Variants in CARS1 observed in about 807,000 individuals in gnomAD.
CARS1 encodes the protein cysteinyl-tRNA synthetase 1.
A neutral mutation model predicts 106.2 loss-of-function variants in CARS1; 48 were observed. That is an observed-to-expected ratio of 0.45 (90% CI 0.36 to 0.57). The LOEUF (loss-of-function observed/expected upper bound fraction) is 0.57. Ranked by LOEUF, CARS1 falls within the 20% of genes least tolerant of loss-of-function variation. The pLI is 0.00. For synonymous variants in CARS1, 409 were observed against 403.4 expected (o/e 1.01, Z -0.17); for missense variants, 968 against 1,057.2 (o/e 0.92, Z 1.17).
intron 1 of CARS1, among the ~76,000 whole-genome samples, chr11:3,049,991 A>C (rs1373895077): frequency 6.6e-6 from 1 of 152,222 alleles, no homozygotes; most frequent in African/African-American, 2.4e-5. Flanking sequence ...AGCAAAGATG[A>C]GTCAGAATGG....
rs1314437380 is a variant in CARS1 at position 3,018,706 on chromosome 11, G to A, written c.1439C>T (p.Thr480Ile). ...NDCWVRYFLH[T>I]GHLTIAGCKM... is the part of the protein sequence containing the mutation. ...GCAGCCTGCAATGGTCAGGTGGCCT[G>A]TGTGCAGGAAGTACCTGACCCAGCA... The change falls in exon 13 of 23, where the codon ACA (threonine) becomes ATA (isoleucine). Residue 480 changes from threonine (T) to isoleucine (I), a missense_variant. Thr to Ile is a moderately conservative substitution (Grantham distance 89). Coordinates refer to ENST00000380525, the MANE Select transcript of CARS1 (RefSeq NM_001014437.3). The A allele has an allele frequency of 1.2e-6, 2 of 1,614,116 alleles. No homozygotes were observed. The highest frequency in any genetic ancestry group is 4.5e-5 in the East Asian group (2 of 44,884).
Position 3,024,811 on chromosome 11 carries a change from G to A in CARS1, c.1153+1865C>T, listed in dbSNP as rs1003764059. On this transcript the variant is annotated intron_variant, in intron 10 of 22. Coordinates refer to ENST00000380525, the MANE Select transcript of CARS1 (RefSeq NM_001014437.3). Reference sequence around the variant, plus strand: ...AATGAGGGCTCCTTGACAGAATGAGGGTTCCTTGAAAACGGTTCTTTGAGA... The same window carrying A: ...AATGAGGGCTCCTTGACAGAATGAGAGTTCCTTGAAAACGGTTCTTTGAGA... Among the ~76,000 whole-genome samples, 4 of 152,202 alleles carry A rather than the reference G, an allele frequency of 2.6e-5. No individual in the cohort carries two copies. The South Asian group carries it at 6.2e-4, about 24-fold the overall frequency.
rs1341730630 is a variant in CARS1 at position 3,040,661 on chromosome 11, G to A, written c.455+235C>T. On this transcript the variant is annotated intron_variant, in intron 4 of 22. Transcript: ENST00000380525. The surrounding 1 kb of genome is among the most constrained non-coding windows in gnomAD (Gnocchi z 5.8). Reference sequence around the variant, plus strand: ...TCCAGCATGTTAGCAGTGGGGCTATGGACATTTTCTTTTTGGTGATCTGTA... The same window carrying A: ...TCCAGCATGTTAGCAGTGGGGCTATAGACATTTTCTTTTTGGTGATCTGTA... 1 of 684,132 alleles carries A rather than the reference G, an allele frequency of 1.5e-6. No individual in the cohort carries two copies. The highest frequency in any genetic ancestry group is 2.7e-6 in the Non-Finnish European group (1 of 375,790). 42.4% of individuals were successfully genotyped at this position (684,132 alleles called of 1,614,324 possible).
rs1849609935 is a variant in CARS1 at position 3,003,762 on chromosome 11, T to C, written c.2218-1162A>G. Among the ~76,000 whole-genome samples the C allele has an allele frequency of 1.3e-5, 2 of 152,152 alleles. No homozygotes were observed. Among genetic ancestry groups the C allele is most frequent in the South Asian group, 4.1e-4 (2 of 4,828 alleles). On this transcript the variant is annotated intron_variant, in intron 20 of 22. Transcript: ENST00000380525. The surrounding 1 kb of genome is among the most constrained non-coding windows in gnomAD (Gnocchi z 4.8). ...GTGCTCAGGATTTCTGCTTTTTCCCTTTAAAAGTTAGTATGTGTTTATGTG... is the reference window on the plus strand; with the variant it reads ...GTGCTCAGGATTTCTGCTTTTTCCCCTTAAAAGTTAGTATGTGTTTATGTG...
At position 3,044,576 on chromosome 11, in the gene CARS1, T is replaced by C. The variant is rs1854884331; in HGVS notation, c.275-2320A>G. 6.6e-6 allele frequency among the ~76,000 whole-genome samples: 1 copy of C among 152,138 alleles called. No homozygotes were observed. Among genetic ancestry groups the C allele is most frequent in the Non-Finnish European group, 1.5e-5 (1 of 68,030 alleles). On this transcript the variant is annotated intron_variant, in intron 2 of 22. Coordinates refer to ENST00000380525, the MANE Select transcript of CARS1 (RefSeq NM_001014437.3). The surrounding 1 kb of genome is among the most constrained non-coding windows in gnomAD (Gnocchi z 4.4). ...CACGCCCCACCAATTTTTGTATCTT[T>C]AGTAGGGATGGGGTTTCACCATATT...
At chr11:3,024,335 T>C (rs1179279584) in intron 10 of CARS1, among the ~76,000 whole-genome samples, 3 of 152,230 alleles carry the variant, frequency 2.0e-5, no homozygotes, top group Non-Finnish European at 4.4e-5. Context: ...TTTCCCACTG[T>C]GGTTTTCTTT....
chr11:3,012,802 T>G (rs1565029957), intron 17 of CARS1, among the ~76,000 whole-genome samples: 1 of 151,972 alleles, frequency 6.6e-6, no homozygotes, highest in East Asian at 1.9e-4. Flanking sequence ...ACATGCACAT[T>G]AGCAGCTACA....
intron 18 of CARS1, among the ~76,000 whole-genome samples, chr11:3,009,836 C>T (rs1044325901): frequency 6.6e-6 from 1 of 152,234 alleles, no homozygotes; most frequent in Non-Finnish European, 1.5e-5. Context: ...GCTTGTTATA[C>T]ACTCACTTTC....
chr11:3,027,792 T>C, intron 9 of CARS1: 1 of 454,408 alleles, frequency 2.2e-6, no homozygotes, highest in South Asian at 1.6e-5. Context: ...TCTGGGAGGA[T>C]GCCCGTTGCC....
At chr11:3,007,106 C>T (rs1849953686) in intron 18 of CARS1, 147 bp from the exon 19 acceptor site, 2 of 658,182 alleles carry the variant, frequency 3.0e-6, no homozygotes, top group African/African-American at 1.8e-5. Context: ...CCCCGGCCCA[C>T]AGAACGAGTA....
At position 3,027,627 on chromosome 11, in the gene CARS1, C is replaced by T. The variant is rs139557001; in HGVS notation, c.1032-830G>A. 345 of 208,278 alleles carry T rather than the reference C, an allele frequency of 1.7e-3. 2 individuals are homozygous for T. The highest frequency in any genetic ancestry group is 7.1e-3 in the African/African-American group (320 of 44,958). 12.9% of individuals were successfully genotyped at this position (208,278 alleles called of 1,614,324 possible). On this transcript the variant is annotated intron_variant, in intron 9 of 22. Transcript: ENST00000380525. ...TTTATTCCAATATTATAATAATCCT[C>T]GCTCTATAATCATAATCTAGGAAAA...
chr11:3,002,087 C>CG, intron 21 of CARS1, 34 bp from the exon 22 acceptor site: 1 of 1,418,408 alleles, frequency 7.1e-7, no homozygotes, highest in Non-Finnish European at 1.0e-6. Context: ...TCACTGCCCC[C>CG]GAGCAGCACC....
In CARS1 at chr11:3,045,389, C is replaced by T. The variant is rs750368435; in HGVS notation, c.274+2364G>A. On this transcript the variant is annotated intron_variant, in intron 2 of 22. Transcript: ENST00000380525. This position sits in a 1 kb window ranked among gnomAD's most constrained non-coding sequence, Gnocchi z 5.6. ...AGGCCATTCTCCTGCCTCAGCCTCCCGAGTAGCTGGGACTATAGGCACCCG... is the reference window on the plus strand; with the variant it reads ...AGGCCATTCTCCTGCCTCAGCCTCCTGAGTAGCTGGGACTATAGGCACCCG... Among the ~76,000 whole-genome samples, 6 of 152,096 alleles carry T rather than the reference C, an allele frequency of 3.9e-5. No individual in the cohort carries two copies. Among genetic ancestry groups the T allele is most frequent in the Non-Finnish European group, 8.8e-5 (6 of 68,018 alleles).
chr11:3,006,822 T>C, intron 19 of CARS1, 57 bp downstream of exon 19: 1 of 1,378,840 alleles, frequency 7.3e-7, no homozygotes, highest in African/African-American at 1.4e-5. Context: ...GAGCTCTCCT[T>C]GTGACACCTC....
At position 3,043,481 on chromosome 11, in the gene CARS1, T is replaced by C. The variant is rs1854742301; in HGVS notation, c.275-1225A>G. On this transcript the variant is annotated intron_variant, in intron 2 of 22. Coordinates refer to ENST00000380525, the MANE Select transcript of CARS1 (RefSeq NM_001014437.3). This position sits in a 1 kb window ranked among gnomAD's most constrained non-coding sequence, Gnocchi z 4.0. Reference sequence around the variant, plus strand: ...GCTGGGCACCTCTGACCCCAGCTGGTGCCTGGCCCTGGGAAGGGCTTCACA... The same window carrying C: ...GCTGGGCACCTCTGACCCCAGCTGGCGCCTGGCCCTGGGAAGGGCTTCACA... Among the ~76,000 whole-genome samples, 2 of 151,566 alleles carry C rather than the reference T, an allele frequency of 1.3e-5. No individual in the cohort carries two copies. Among genetic ancestry groups the C allele is most frequent in the South Asian group, 4.2e-4 (2 of 4,786 alleles).
At chr11:3,005,308 G>T (rs370843338) in intron 20 of CARS1, 58 bp downstream of exon 20, 7 of 1,245,638 alleles carry the variant, frequency 5.6e-6, no homozygotes, top group Non-Finnish European at 8.2e-6. Context: ...TGTAATAATC[G>T]CAATGGTTTT....
At position 3,037,573 on chromosome 11, in the gene CARS1, G is replaced by A. The variant is rs1853831089; in HGVS notation, c.801+477C>T. On this transcript the variant is annotated intron_variant, in intron 7 of 22. Coordinates refer to ENST00000380525, the MANE Select transcript of CARS1 (RefSeq NM_001014437.3). This position sits in a 1 kb window ranked among gnomAD's most constrained non-coding sequence, Gnocchi z 5.9. ...CCCTCTGCACCCAGGTCTCTGCCCT[G>A]TGTCTGAAGGAGATATTGGCAGGGG... Among the ~76,000 whole-genome samples, 1 of 152,176 alleles carries A rather than the reference G, an allele frequency of 6.6e-6. No homozygotes were observed. The highest frequency in any genetic ancestry group is 1.5e-5 in the Non-Finnish European group (1 of 68,016).
chr11:3,021,133 G>C lies in CARS1; in HGVS notation c.1154-801C>G, dbSNP rs929019807. ...GGGTACAAGGCGGTCTGAGTCCCCA[G>C]AAAAGGAATGCACCATCACTGCAGA... On this transcript the variant is annotated intron_variant, in intron 10 of 22. Coordinates refer to ENST00000380525, the MANE Select transcript of CARS1 (RefSeq NM_001014437.3). This position sits in a 1 kb window ranked among gnomAD's most constrained non-coding sequence, Gnocchi z 5.3. Among the ~76,000 whole-genome samples, 5 of 152,176 alleles carry C rather than the reference G, an allele frequency of 3.3e-5. No individual in the cohort carries two copies. The highest frequency in any genetic ancestry group is 1.2e-4 in the African/African-American group (5 of 41,442).
At position 3,052,259 on chromosome 11, in the gene CARS1, G is replaced by A. The variant is rs144286130; in HGVS notation, c.26-4258C>T. ...GAGTACCTACACTCACACACACGGC[G>A]GCATTTCCTCACGGTAAAACACGCT... On this transcript the variant is annotated intron_variant, in intron 1 of 22. Coordinates refer to ENST00000380525, the MANE Select transcript of CARS1 (RefSeq NM_001014437.3). The surrounding 1 kb of genome is among the most constrained non-coding windows in gnomAD (Gnocchi z 4.6). Among the ~76,000 whole-genome samples, 1 of 152,150 alleles carries A rather than the reference G, an allele frequency of 6.6e-6. No homozygotes were observed. Among genetic ancestry groups the A allele is most frequent in the African/African-American group, 2.4e-5 (1 of 41,420 alleles).
Sources: gnomAD v4.1 joint callset for allele counts (sites outside exome capture counted in the v4.1 genomes callset) on GRCh38, gnomAD v4.1.1 for gene constraint, Gnocchi (gnomAD v3.1) non-coding constraint, MANE v1.5 for transcripts, NCBI Gene and HGNC (gene_info 2026-07-23, HGNC 2026-07-21) for gene names.